The following PARD3B variants were observed in gnomAD, a reference collection of about 807,000 sequenced individuals.
The protein encoded by PARD3B is par-3 family cell polarity regulator beta.
A neutral mutation model predicts 130.2 loss-of-function variants in PARD3B; 103 were observed. The observed-to-expected ratio is 0.79, with a 90% CI of 0.67 to 0.93. PARD3B has a LOEUF of 0.93. Ranked by LOEUF, PARD3B falls within the 40% of genes least tolerant of loss-of-function variation. PARD3B has a pLI of 0.00. For synonymous variants in PARD3B, 583 were observed against 553.2 expected (o/e 1.05, Z -0.76); for missense variants, 1,609 against 1,499.2 (o/e 1.07, Z -1.21).
rs1020574726 is a variant in PARD3B, at chr2:204,906,299, A to G, written c.223-58853A>G. ...CAGAATGCAACCCATTTAGACTCAG[A>G]CTTTTCTTGCTTTGAAATACCATAA... is the stretch of plus-strand genomic sequence containing the variant. On this transcript the variant is annotated intron_variant, in intron 2 of 22. Transcript: ENST00000406610. This position sits in a 1 kb window ranked among gnomAD's most constrained non-coding sequence, Gnocchi z 4.3. 1.3e-5 allele frequency among the ~76,000 whole-genome samples: 2 copies of G among 152,162 alleles called. No homozygotes were observed. The highest frequency in any genetic ancestry group is 4.8e-5 in the African/African-American group (2 of 41,448).
At chr2:204,746,784 G>T (rs529937490) in intron 2 of PARD3B, among the ~76,000 whole-genome samples, 1 of 152,298 alleles carries the variant, frequency 6.6e-6, no homozygotes, top group East Asian at 1.9e-4. Context: ...GTCTTCTTTT[G>T]AGAAGTGTCT....
intron 2 of PARD3B, among the ~76,000 whole-genome samples, chr2:204,811,534 C>T (rs1474133201): frequency 1.3e-5 from 2 of 152,036 alleles, no homozygotes; most frequent in African/African-American, 2.4e-5. Flanking sequence ...GAATTTGATG[C>T]TGGGTGAGAT....
intron 4 of PARD3B, among the ~76,000 whole-genome samples, chr2:205,051,162 G>C (rs925356426): frequency 2.0e-5 from 3 of 152,148 alleles, no homozygotes; most frequent in Admixed American, 1.3e-4. Context: ...TACGGACACT[G>C]AGACTTCACA....
Position 204,606,548 on chromosome 2 carries a change from T to G in PARD3B, c.120+60429T>G, listed in dbSNP as rs999024183. ...AGACCCATGTTACTTCTGCTCACAT[T>G]TCGTTGGCCACTTACATGGTCACAC... On this transcript the variant is annotated intron_variant, in intron 1 of 22. Transcript: ENST00000406610. This position sits in a 1 kb window ranked among gnomAD's most constrained non-coding sequence, Gnocchi z 4.0. Among the ~76,000 whole-genome samples, 1 of 152,122 alleles carries G rather than the reference T, an allele frequency of 6.6e-6. No individual in the cohort carries two copies. Among genetic ancestry groups the G allele is most frequent in the African/African-American group, 2.4e-5 (1 of 41,428 alleles).
At chr2:204,668,676 T>G (rs1051054755) in intron 1 of PARD3B, among the ~76,000 whole-genome samples, 2 of 152,216 alleles carry the variant, frequency 1.3e-5, no homozygotes, top group Admixed American at 1.3e-4. Flanking sequence ...GACACCTTTT[T>G]CATAAAAAAG....
chr2:204,774,967 G>T (rs1377449927), intron 2 of PARD3B, among the ~76,000 whole-genome samples: 1 of 152,050 alleles, frequency 6.6e-6, no homozygotes, highest in African/African-American at 2.4e-5. Context: ...AGTATTTTGG[G>T]AAGAAATATT....
At chr2:204,882,532 T>C (rs184764621) in intron 2 of PARD3B, among the ~76,000 whole-genome samples, 1 of 152,316 alleles carries the variant, frequency 6.6e-6, no homozygotes, top group East Asian at 1.9e-4. Context: ...CCCTCCTTCA[T>C]CCTTCACAAT....
intron 1 of PARD3B, among the ~76,000 whole-genome samples, chr2:204,637,341 A>C (rs1393696584): frequency 6.6e-6 from 1 of 152,172 alleles, no homozygotes; most frequent in Non-Finnish European, 1.5e-5. Context: ...GCTTTTTTGA[A>C]GTCTTCAGTT....
intron 18 of PARD3B, among the ~76,000 whole-genome samples, chr2:205,313,238 G>C (rs2042451743): frequency 6.6e-6 from 1 of 152,132 alleles, no homozygotes; most frequent in African/African-American, 2.4e-5. Flanking sequence ...GAGACAGATG[G>C]GCTACTCATC....
chr2:204,982,641 C>T (rs747184130), intron 3 of PARD3B, among the ~76,000 whole-genome samples: 5 of 152,180 alleles, frequency 3.3e-5, no homozygotes, highest in Non-Finnish European at 4.4e-5. Flanking sequence ...AATCTTTCAG[C>T]TCAAGCTAAA....
At chr2:204,937,757 T>C (rs1213850229) in intron 2 of PARD3B, among the ~76,000 whole-genome samples, 3 of 152,210 alleles carry the variant, frequency 2.0e-5, no homozygotes. Context: ...GCCCTTCTTT[T>C]ATCTTTGCTT....
intron 3 of PARD3B, among the ~76,000 whole-genome samples, chr2:205,019,398 CTTG>C (rs1198976356): frequency 5.9e-5 from 9 of 152,094 alleles, no homozygotes; most frequent in African/African-American, 1.9e-4. Context: ...TTGATGGACA[CTTG>C]TTGTGAGCAC....
At chr2:204,790,872 A>G (rs946966023) in intron 2 of PARD3B, among the ~76,000 whole-genome samples, 1 of 152,212 alleles carries the variant, frequency 6.6e-6, no homozygotes, top group Non-Finnish European at 1.5e-5. Flanking sequence ...TGGGAGGCTG[A>G]GGCAGGCAGA....
intron 1 of PARD3B, among the ~76,000 whole-genome samples, chr2:204,676,338 G>A (rs1478866603): frequency 6.6e-6 from 1 of 151,938 alleles, no homozygotes; most frequent in Non-Finnish European, 1.5e-5. Flanking sequence ...TTGGAATAAC[G>A]GGTAGATTGG....
intron 2 of PARD3B, among the ~76,000 whole-genome samples, chr2:204,848,008 C>G (rs1024172845): frequency 2.0e-5 from 3 of 152,138 alleles, no homozygotes; most frequent in African/African-American, 7.2e-5. Flanking sequence ...GGTATTCTAT[C>G]ATTTCACATC....
At position 204,968,038 on chromosome 2, in the gene PARD3B, A is replaced by T. The variant is rs143205541; in HGVS notation, c.394+2715A>T. ...CCTTCCCCAGTCAGCTAGTGTAGCCATTGGAACTGGTTGTACTTTTCACAG... is the reference window on the plus strand; with the variant it reads ...CCTTCCCCAGTCAGCTAGTGTAGCCTTTGGAACTGGTTGTACTTTTCACAG... On this transcript the variant is annotated intron_variant, in intron 3 of 22. Coordinates refer to ENST00000406610, the MANE Select transcript of PARD3B (RefSeq NM_001302769.2). Among the ~76,000 whole-genome samples, 446 of 152,222 alleles carry T rather than the reference A, an allele frequency of 2.9e-3. 1 individual carries two copies. The highest frequency in any genetic ancestry group is 0.01 in the African/African-American group (425 of 41,522).
At chr2:205,067,417 G>A (rs377557853) in intron 4 of PARD3B, among the ~76,000 whole-genome samples, 1 of 151,962 alleles carries the variant, frequency 6.6e-6, no homozygotes. Flanking sequence ...TCCTGTCTTG[G>A]CCTTCCAAAG....
At chr2:204,968,384 C>T (rs983759606) in intron 3 of PARD3B, among the ~76,000 whole-genome samples, 2 of 152,208 alleles carry the variant, frequency 1.3e-5, no homozygotes, top group Admixed American at 6.5e-5. Context: ...ACCACCTTCT[C>T]CATGTAATGC....
Position 205,418,229 on chromosome 2 carries a change from T to A in PARD3B, c.2741+17106T>A, listed in dbSNP as rs372564388. Among the ~76,000 whole-genome samples the A allele has an allele frequency of 1.1e-3, 163 of 152,328 alleles. 4 individuals carry two copies. In the South Asian group the frequency reaches 0.034, roughly 31 times the overall value. On this transcript the variant is annotated intron_variant, in intron 19 of 22. Transcript: ENST00000406610. ...TCACACCTTTGAATCTGAGGTTAAA[T>A]TGAAGTTATATGAAATTTTTCCACT...
Sources: gnomAD v4.1 joint callset for allele counts (sites outside exome capture counted in the v4.1 genomes callset) on GRCh38, gnomAD v4.1.1 for gene constraint, Gnocchi (gnomAD v3.1) non-coding constraint, MANE v1.5 for transcripts, NCBI Gene and HGNC (gene_info 2026-07-23, HGNC 2026-07-21) for gene names.